Variants in CCSER1 observed in about 807,000 individuals in gnomAD.
The protein encoded by CCSER1 is coiled-coil serine rich protein 1, also known as serine-rich coiled-coil domain-containing protein 1.
CCSER1 carries 41 observed loss-of-function variants against 82.0 expected under a neutral mutation model. That is an observed-to-expected ratio of 0.50 (90% CI 0.39 to 0.65). The LOEUF is 0.65. Ranked by LOEUF, CCSER1 falls within the 30% of genes least tolerant of loss-of-function variation. The probability of loss-of-function intolerance (pLI) is 0.00; values close to 1 mark genes in which losing one functional copy is unlikely to be tolerated. For missense variants in CCSER1, 1,119 were observed against 1,064.2 expected (o/e 1.05, Z -0.72); for synonymous variants, 414 against 383.9 (o/e 1.08, Z -0.92).
intron 3 of CCSER1, among the ~76,000 whole-genome samples, chr4:90,384,082 C>G (rs1390843063): frequency 6.6e-6 from 1 of 151,302 alleles, no homozygotes; most frequent in Non-Finnish European, 1.5e-5. Context: ...TTTTTCGAAC[C>G]CTCGTTTTTT....
At chr4:90,841,412 A>G (rs1762552648) in intron 8 of CCSER1, among the ~76,000 whole-genome samples, 1 of 151,948 alleles carries the variant, frequency 6.6e-6, no homozygotes, top group South Asian at 2.1e-4. Flanking sequence ...CCCCGTCTCT[A>G]CTAAAAATAC....
At chr4:90,913,168 C>T (rs763926560) in intron 8 of CCSER1, among the ~76,000 whole-genome samples, 25 of 152,088 alleles carry the variant, frequency 1.6e-4, no homozygotes, top group Admixed American at 9.2e-4. Flanking sequence ...AGAAGAGCTA[C>T]TCCAAGACAC....
chr4:91,201,018 C>T (rs1735864486), intron 10 of CCSER1, among the ~76,000 whole-genome samples: 1 of 151,918 alleles, frequency 6.6e-6, no homozygotes, highest in African/African-American at 2.4e-5. Flanking sequence ...AATTTACAAC[C>T]AACATTTTCT....
intron 5 of CCSER1, among the ~76,000 whole-genome samples, chr4:90,493,952 A>G (rs988379088): frequency 1.3e-5 from 2 of 152,338 alleles, no homozygotes; most frequent in East Asian, 1.9e-4. Flanking sequence ...TAAATGCTCC[A>G]ATTAAAAGAC....
chr4:90,290,444 T>C (rs1318202954), intron 1 of CCSER1, among the ~76,000 whole-genome samples: 1 of 151,924 alleles, frequency 6.6e-6, no homozygotes, highest in Non-Finnish European at 1.5e-5. Context: ...TGGGTACCCT[T>C]ATGTTTGTTG....
chr4:90,645,470 CA>C (rs768593951), intron 6 of CCSER1, among the ~76,000 whole-genome samples: 1 of 152,126 alleles, frequency 6.6e-6, no homozygotes, highest in Non-Finnish European at 1.5e-5. Context: ...TTATAGTCTT[CA>C]AGGTGACATT....
At chr4:91,477,547 T>C (rs952709985) in intron 10 of CCSER1, among the ~76,000 whole-genome samples, 2 of 151,772 alleles carry the variant, frequency 1.3e-5, no homozygotes, top group Non-Finnish European at 3.0e-5. Context: ...CAGTGTCCTA[T>C]AGGTTTAATA....
In CCSER1 at chr4:91,602,390, A is replaced by ATGAT. The variant is rs1354768105; in HGVS notation, c.*3334_*3337dup. Among the ~76,000 whole-genome samples, 2 of 152,014 alleles carry ATGAT rather than the reference A, an allele frequency of 1.3e-5. No individual in the cohort carries two copies. Among genetic ancestry groups the ATGAT allele is most frequent in the Non-Finnish European group, 2.9e-5 (2 of 67,938 alleles). ...CAGAAAAAAGTTTTTAAAAATTATTATGATATATTTAAGATTCACATGCCC... is the reference window on the plus strand; with the variant it reads ...CAGAAAAAAGTTTTTAAAAATTATTATGATTGATATATTTAAGATTCACATGCCC... On this transcript the variant is annotated 3_prime_UTR_variant, in exon 11 of 11. Transcript: ENST00000509176.
Position 91,392,532 on chromosome 4 carries a change from G to A in CCSER1, c.2218-206040G>A, listed in dbSNP as rs78791262. On this transcript the variant is annotated intron_variant, in intron 10 of 10. Transcript: ENST00000509176. Reference sequence around the variant, plus strand: ...ATCCAGCTAAAGATGAAATTTCTAGGGATAATATAAGCAGTTCATATATCT... The same window carrying A: ...ATCCAGCTAAAGATGAAATTTCTAGAGATAATATAAGCAGTTCATATATCT... Among the ~76,000 whole-genome samples, 6 of 151,916 alleles carry A rather than the reference G, an allele frequency of 3.9e-5. No individual in the cohort carries two copies. In the East Asian group the frequency reaches 1.2e-3, roughly 29 times the overall value.
chr4:91,046,689 T>TTG lies in CCSER1; in HGVS notation c.2173-39260_2173-39259insGT, dbSNP rs1554060771. ...ACAAGAGGGAGAGGATAATATGTTT[T>TTG]TTGTTGTTGTTGTTGTTGTTGTTGT... On this transcript the variant is annotated intron_variant, in intron 9 of 10. Coordinates refer to ENST00000509176, the MANE Select transcript of CCSER1 (RefSeq NM_001145065.2). 3.9e-3 allele frequency among the ~76,000 whole-genome samples: 597 copies of TTG among 151,720 alleles called. 1 individual carries two copies. The highest frequency in any genetic ancestry group is 8.5e-3 in the African/African-American group (351 of 41,332).
At chr4:91,468,162 C>G (rs1006370788) in intron 10 of CCSER1, among the ~76,000 whole-genome samples, 5 of 152,162 alleles carry the variant, frequency 3.3e-5, no homozygotes, top group African/African-American at 1.2e-4. Context: ...CCATGGAATA[C>G]TATGCAGCCA....
rs145509245 is a variant in CCSER1, at chr4:90,682,810, T to C, written c.1933-41104T>C. Among the ~76,000 whole-genome samples, 313 of 152,216 alleles carry C rather than the reference T, an allele frequency of 2.1e-3. 4 individuals carry two copies. The highest frequency in any genetic ancestry group is 0.019 in the Admixed American group (287 of 15,264). On this transcript the variant is annotated intron_variant, in intron 6 of 10. Coordinates refer to ENST00000509176, the MANE Select transcript of CCSER1 (RefSeq NM_001145065.2). ...ATGGGTGTTACTGTATAAACTCAGA[T>C]TTATTAATCACTAAATAGCTCTAAA...
intron 9 of CCSER1, among the ~76,000 whole-genome samples, chr4:90,995,993 A>G (rs180994907): frequency 6.6e-6 from 1 of 152,240 alleles, no homozygotes; most frequent in Non-Finnish European, 1.5e-5. Context: ...TGTCGAATCT[A>G]TATTTAAATT....
intron 3 of CCSER1, among the ~76,000 whole-genome samples, chr4:90,331,268 C>A (rs1739228357): frequency 1.3e-5 from 2 of 151,344 alleles, no homozygotes. Context: ...AAACAGCAAC[C>A]CAAATTAAAG....
chr4:90,228,131 G>T (rs1401273875), intron 1 of CCSER1, among the ~76,000 whole-genome samples: 1 of 152,188 alleles, frequency 6.6e-6, no homozygotes, highest in African/African-American at 2.4e-5. Flanking sequence ...ACAGCTCAAG[G>T]AGGCCTGCCT....
At chr4:91,555,982 T>C (rs977012681) in intron 10 of CCSER1, among the ~76,000 whole-genome samples, 3 of 151,280 alleles carry the variant, frequency 2.0e-5, no homozygotes, top group African/African-American at 7.3e-5. Context: ...TACTCCATTG[T>C]AGATGCAAAA....
chr4:90,780,322 T>C, intron 7 of CCSER1: 1 of 1,047,030 alleles, frequency 9.6e-7, no homozygotes, highest in South Asian at 1.4e-5. Flanking sequence ...CCTTTTACGC[T>C]TCCCATCTAA....
At position 90,887,806 on chromosome 4, in the gene CCSER1, C is replaced by T. The variant is rs543995391; in HGVS notation, c.2095-35564C>T. Among the ~76,000 whole-genome samples the T allele has an allele frequency of 2.8e-3, 429 of 152,066 alleles. 2 individuals carry two copies. Among genetic ancestry groups the T allele is most frequent in the African/African-American group, 9.8e-3 (408 of 41,506 alleles). On this transcript the variant is annotated intron_variant, in intron 8 of 10. Transcript: ENST00000509176. The stretch of plus-strand genomic sequence containing the variant: ...CTGAGGCAGGAGAATTGCTTGAATC[C>T]GGGAGGCAGAGGTTGCAGTGAGCTG...
At chr4:90,327,669 C>A (rs1373670367) in intron 3 of CCSER1, among the ~76,000 whole-genome samples, 1 of 151,998 alleles carries the variant, frequency 6.6e-6, no homozygotes. Flanking sequence ...GAGATTTTGT[C>A]CTGGATAATT....
Sources: allele counts gnomAD v4.1 joint callset (sites outside exome capture counted in the v4.1 genomes callset), GRCh38; gene constraint gnomAD v4.1.1; transcripts MANE v1.5; gene names NCBI Gene and HGNC (gene_info 2026-07-23, HGNC 2026-07-21).